SPMAP2L: variants seen among roughly 807,000 people sequenced by gnomAD.
SPMAP2L encodes sperm microtubule associated protein 2 like.
chr4:56,602,299 G>T, the SPMAP2L span, among the ~76,000 whole-genome samples: 1 of 152,086 alleles, frequency 6.6e-6, no homozygotes. Context: ...AAGGAAATAT[G>T]CTAGTCTTAT....
the SPMAP2L span, among the ~76,000 whole-genome samples, chr4:56,583,188 C>T: frequency 2.0e-5 from 3 of 151,836 alleles, no homozygotes; most frequent in African/African-American, 7.3e-5. Flanking sequence ...GCAGGAGAAT[C>T]GCTTGAACCC....
chr4:56,565,447 C>T, the SPMAP2L span, among the ~76,000 whole-genome samples: 42 of 152,294 alleles, frequency 2.8e-4, no homozygotes, highest in African/African-American at 8.4e-4. Context: ...TCCGTGTTGA[C>T]ATGACTGGAA....
At chr4:56,594,665 G>A in the SPMAP2L span, 1 of 1,297,604 alleles carries the variant, frequency 7.7e-7, no homozygotes, top group East Asian at 2.3e-5. Context: ...GCCTGTGGAG[G>A]TGGATAAATG....
the SPMAP2L span, among the ~76,000 whole-genome samples, chr4:56,616,901 A>G: frequency 6.6e-6 from 1 of 151,766 alleles, no homozygotes; most frequent in Non-Finnish European, 1.5e-5. Context: ...TATTGTGGTA[A>G]GAACACTAAA....
chr4:56,564,120 C>A, the SPMAP2L span, among the ~76,000 whole-genome samples: 1 of 143,242 alleles, frequency 7.0e-6, no homozygotes, highest in African/African-American at 2.6e-5. Flanking sequence ...TCGTTGAAGC[C>A]ACAATCTGTG....
the SPMAP2L span, among the ~76,000 whole-genome samples, chr4:56,596,088 C>T: frequency 9.2e-5 from 14 of 152,206 alleles, no homozygotes; most frequent in Non-Finnish European, 1.9e-4. Flanking sequence ...TCCATGTGGA[C>T]TGTGCCATCT....
At chr4:56,535,610 G>T in the SPMAP2L span, among the ~76,000 whole-genome samples, 1 of 152,134 alleles carries the variant, frequency 6.6e-6, no homozygotes, top group Non-Finnish European at 1.5e-5. Flanking sequence ...GAGTCTTGCT[G>T]ATGCTCCCAG....
chr4:56,597,334 C>G, the SPMAP2L span, among the ~76,000 whole-genome samples: 5 of 152,196 alleles, frequency 3.3e-5, no homozygotes. Flanking sequence ...ACAGGTAAGT[C>G]ATGGCACTCA....
chr4:56,532,316 C>T, the SPMAP2L span, among the ~76,000 whole-genome samples: 6 of 151,970 alleles, frequency 3.9e-5, no homozygotes, highest in African/African-American at 1.5e-4. Flanking sequence ...TTGCTTTACC[C>T]GCATCTGTAC....
At chr4:56,552,226 T>C in the SPMAP2L span, among the ~76,000 whole-genome samples, 1 of 152,254 alleles carries the variant, frequency 6.6e-6, no homozygotes, top group African/African-American at 2.4e-5. Flanking sequence ...CCAAGCCATC[T>C]ACAAATGACC....
At chr4:56,559,548 T>C in the SPMAP2L span, 1 of 1,462,080 alleles carries the variant, frequency 6.8e-7, no homozygotes, top group Non-Finnish European at 9.0e-7. Context: ...ATCATGTTAC[T>C]TTATCAGGAG....
At chr4:56,571,670 A>AC in the SPMAP2L span, among the ~76,000 whole-genome samples, 41 of 150,480 alleles carry the variant, frequency 2.7e-4, no homozygotes, top group African/African-American at 9.5e-4. Context: ...ACATAGTAAG[A>AC]CCCCCATCTC....
chr4:56,537,848 A>G, the SPMAP2L span, among the ~76,000 whole-genome samples: 14 of 152,008 alleles, frequency 9.2e-5, no homozygotes, highest in East Asian at 3.9e-4. Context: ...GCCCGCCACC[A>G]CGCCCGGCTA....
the SPMAP2L span, among the ~76,000 whole-genome samples, chr4:56,589,850 T>C: frequency 6.6e-6 from 1 of 152,166 alleles, no homozygotes; most frequent in South Asian, 2.1e-4. Flanking sequence ...GAGCTACTGA[T>C]TTGTATACAT....
At chr4:56,543,137 G>A in the SPMAP2L span, among the ~76,000 whole-genome samples, 2 of 151,098 alleles carry the variant, frequency 1.3e-5, no homozygotes, top group Non-Finnish European at 2.9e-5. Context: ...AGGCTGGAGT[G>A]CAGGGGTGCG....
the SPMAP2L span, among the ~76,000 whole-genome samples, chr4:56,561,210 C>T: frequency 6.6e-6 from 1 of 152,068 alleles, no homozygotes; most frequent in South Asian, 2.1e-4. Context: ...TTTTTGAACA[C>T]AAGAACGCCA....
chr4:56,589,680 TTTGTTGTTGTTGTTGTTTTGGGTTTTTG>T, the SPMAP2L span, among the ~76,000 whole-genome samples: 1 of 151,958 alleles, frequency 6.6e-6, no homozygotes, highest in East Asian at 1.9e-4. Flanking sequence ...TAAGGTTTTT[TTTGTTGTTGTTGTTGTTTTGGGTTTTTG>T]TTGTTGTTGT....
At chr4:56,596,511 G>T in the SPMAP2L span, 59 of 1,522,236 alleles carry the variant, frequency 3.9e-5, no homozygotes, top group Non-Finnish European at 5.0e-5. Flanking sequence ...TGCAAACCAA[G>T]ATTTCACTTT....
chr4:56,569,864 G>A, the SPMAP2L span, among the ~76,000 whole-genome samples: 5 of 152,048 alleles, frequency 3.3e-5, no homozygotes, highest in South Asian at 4.1e-4. Flanking sequence ...CTATCATGCC[G>A]GGAAGTGGAA....
Sources: allele counts gnomAD v4.1 joint callset (sites outside exome capture counted in the v4.1 genomes callset), GRCh38; gene constraint gnomAD v4.1.1; transcripts MANE v1.5; gene names NCBI Gene and HGNC (gene_info 2026-07-23, HGNC 2026-07-21).